SPCS2: variants seen among roughly 807,000 people sequenced by gnomAD.
SPCS2 encodes the protein signal peptidase complex subunit 2, also known as SPase 25 kDa subunit.
A neutral mutation model predicts 22.3 loss-of-function variants in SPCS2; 3 were observed. That is an observed-to-expected ratio of 0.13 (90% CI 0.06 to 0.35). SPCS2 has a LOEUF of 0.35. SPCS2 is among the 10% of genes least tolerant of loss of function. The pLI, the probability that SPCS2 is intolerant of heterozygous loss-of-function variation, is 1.00. For missense variants in SPCS2, 169 were observed against 280.9 expected (o/e 0.60, Z 2.85); for synonymous variants, 67 against 97.2 (o/e 0.69, Z 1.83).
At position 74,959,850 on chromosome 11, in the gene SPCS2, A is replaced by G. The variant is rs537068832; in HGVS notation, c.115-5184A>G. 8.5e-5 allele frequency among the ~76,000 whole-genome samples: 13 copies of G among 152,322 alleles called. No homozygotes were observed. In the South Asian group the frequency reaches 2.7e-3, roughly 32 times the overall value. ...ATCCTTCAGACCTGAGTTGTGTTTA[A>G]TATCCTTCCTAAGCACTTATGGAGT... On this transcript the variant is annotated intron_variant, in intron 1 of 4. Coordinates refer to ENST00000263672, the MANE Select transcript of SPCS2 (RefSeq NM_014752.3).
rs934430673 is a variant in SPCS2 at position 74,977,757 on chromosome 11, G to A, written c.*714G>A. 1.3e-5 allele frequency: 2 copies of A among 152,546 alleles called. No homozygotes were observed. Among genetic ancestry groups the A allele is most frequent in the Admixed American group, 6.6e-5 (1 of 15,266 alleles). 9.4% of individuals were successfully genotyped at this position (152,546 alleles called of 1,614,324 possible). A position where few individuals can be genotyped will look rare whatever the true frequency, so the allele number is the denominator to read the frequency against. ...GTGAAAAAAATGGAGTCATAGTTTT[G>A]ATGGAGAGAACAGAGAAACAAGTGT... On this transcript the variant is annotated 3_prime_UTR_variant, in exon 5 of 5. Transcript: ENST00000263672.
intron 1 of SPCS2, among the ~76,000 whole-genome samples, chr11:74,954,661 C>G (rs964036142): frequency 6.6e-6 from 1 of 152,176 alleles, no homozygotes; most frequent in East Asian, 1.9e-4. Flanking sequence ...AAACAAGGTG[C>G]TGGCCTTTTA....
intron 1 of SPCS2, among the ~76,000 whole-genome samples, chr11:74,952,508 G>A (rs1409675816): frequency 1.3e-5 from 2 of 152,050 alleles, no homozygotes; most frequent in African/African-American, 2.4e-5. Context: ...GTAGAGACAA[G>A]GTCTCACTGT....
At chr11:74,968,835 T>A (rs2140219606) in intron 3 of SPCS2, among the ~76,000 whole-genome samples, 1 of 152,190 alleles carries the variant, frequency 6.6e-6, no homozygotes, top group Non-Finnish European at 1.5e-5. Flanking sequence ...TTAATTTTTG[T>A]ATTTTTAGTA....
intron 1 of SPCS2, among the ~76,000 whole-genome samples, chr11:74,961,520 G>T (rs964304084): frequency 1.6e-4 from 24 of 145,632 alleles, no homozygotes; most frequent in East Asian, 7.8e-4. Flanking sequence ...CTTGTTTTTT[G>T]TTGTTGTTGT....
At chr11:74,963,585 T>G in intron 1 of SPCS2, 1 of 438,222 alleles carries the variant, frequency 2.3e-6, no homozygotes, top group South Asian at 1.7e-5. Context: ...ATTTATTTAT[T>G]TATTTTCAGA....
chr11:74,968,017 C>A (rs1350721039), intron 3 of SPCS2, among the ~76,000 whole-genome samples: 1 of 151,896 alleles, frequency 6.6e-6, no homozygotes, highest in Non-Finnish European at 1.5e-5. Context: ...CAGTATTATC[C>A]CAATTTTAAA....
rs140891903 is a variant in SPCS2 at position 74,949,488 on chromosome 11, C to T, written c.114+89C>T. ...TTCCCATCCCGGTCTCCCTTATTTT[C>T]TACGGCCTTTTGAGGGGAGCCCTTG... On this transcript the variant is annotated intron_variant, in intron 1 of 4. Transcript: ENST00000263672. 3 of 1,207,678 alleles carry T rather than the reference C, an allele frequency of 2.5e-6. No homozygotes were observed. The African/African-American group carries it at 4.5e-5, about 18-fold the overall frequency. The allele number at this position is 1,207,678 out of a possible 1,614,324, so 74.8% of individuals were successfully genotyped here.
intron 4 of SPCS2, among the ~76,000 whole-genome samples, chr11:74,972,355 C>T (rs748402766): frequency 9.2e-5 from 14 of 152,172 alleles, no homozygotes; most frequent in African/African-American, 2.2e-4. Flanking sequence ...TGAGCCACCA[C>T]GCCCAGCCCA....
chr11:74,972,113 C>T lies in SPCS2; in HGVS notation c.494+2414C>T, dbSNP rs376573146. ...TGGAGTTTCACTCTTGTCACCCAGG[C>T]TGGAGCGCAATGACGCGATCTTGGC... On this transcript the variant is annotated intron_variant, in intron 4 of 4. Transcript: ENST00000263672. 5.2e-4 allele frequency among the ~76,000 whole-genome samples: 79 copies of T among 152,112 alleles called. 1 individual carries two copies. The South Asian group carries it at 0.016, about 31-fold the overall frequency.
At chr11:74,961,529 GTTGT>G (rs538927920) in intron 1 of SPCS2, among the ~76,000 whole-genome samples, 1,744 of 147,536 alleles carry the variant, frequency 0.012, 31 homozygotes, top group African/African-American at 0.039. Context: ...TGTTGTTGTT[GTTGT>G]TTGTTTGTTT....
In SPCS2 at chr11:74,949,402, G is replaced by T; in HGVS notation, c.114+3G>T. ...GCCGTAGCGGCTTGTTGGATAAGGT[G>T]AGGAGCCGGTTCTTGGGAACAGTTG... On this transcript the variant is annotated splice_donor_region_variant and intron_variant, in intron 1 of 4. Coordinates refer to ENST00000263672, the MANE Select transcript of SPCS2 (RefSeq NM_014752.3). The T allele has an allele frequency of 6.4e-7, 1 of 1,550,988 alleles. No homozygotes were observed.
chr11:74,970,260 G>A (rs757439813), intron 4 of SPCS2, among the ~76,000 whole-genome samples: 1 of 152,164 alleles, frequency 6.6e-6, no homozygotes, highest in Non-Finnish European at 1.5e-5. Flanking sequence ...CTGAGGTTTA[G>A]TGGGGTCAAA....
At chr11:74,973,906 G>A (rs1195753801) in intron 4 of SPCS2, among the ~76,000 whole-genome samples, 1 of 151,386 alleles carries the variant, frequency 6.6e-6, no homozygotes, top group East Asian at 1.9e-4. Context: ...CTCTCTGCTG[G>A]ATCATTCCTT....
At chr11:74,955,851 A>AATATAT (rs60855711) in intron 1 of SPCS2, among the ~76,000 whole-genome samples, 4,263 of 55,342 alleles carry the variant, frequency 0.077, 569 homozygotes, top group Non-Finnish European at 0.12. Flanking sequence ...TACTAATTAA[A>AATATAT]ATATATATAT....
chr11:74,974,485 C>T (rs1948604421), intron 4 of SPCS2, among the ~76,000 whole-genome samples: 2 of 152,192 alleles, frequency 1.3e-5, no homozygotes, highest in South Asian at 2.1e-4. Flanking sequence ...CATTTTGACT[C>T]CTCTTTCTCA....
chr11:74,951,758 C>T (rs1161805461), intron 1 of SPCS2, among the ~76,000 whole-genome samples: 3 of 140,618 alleles, frequency 2.1e-5, no homozygotes, highest in African/African-American at 7.9e-5. Flanking sequence ...TGCAGTGAGC[C>T]GAGATCACGC....
chr11:74,976,423 A>T (rs1328580545), intron 4 of SPCS2, among the ~76,000 whole-genome samples: 1 of 152,230 alleles, frequency 6.6e-6, no homozygotes. Context: ...TGGAAGACAG[A>T]GGAAACACAT....
At chr11:74,970,940 A>G (rs1948580498) in intron 4 of SPCS2, among the ~76,000 whole-genome samples, 1 of 152,190 alleles carries the variant, frequency 6.6e-6, no homozygotes, top group Non-Finnish European at 1.5e-5. Context: ...AGATATTTGC[A>G]ACCATTATCA....
Sources: allele counts gnomAD v4.1 joint callset (sites outside exome capture counted in the v4.1 genomes callset), GRCh38; gene constraint gnomAD v4.1.1; transcripts MANE v1.5; gene names NCBI Gene and HGNC (gene_info 2026-07-23, HGNC 2026-07-21).